The following SLMAP variants were observed in gnomAD, a reference collection of about 807,000 sequenced individuals.
SLMAP encodes sarcolemma associated protein.
SLMAP carries 44 observed loss-of-function variants against 128.8 expected under a neutral mutation model. That is an observed-to-expected ratio of 0.34 (90% CI 0.27 to 0.44). SLMAP has a LOEUF of 0.44. Among genes scored for constraint, SLMAP ranks in the 20% least tolerant of loss-of-function variants. The probability of loss-of-function intolerance (pLI) is 1.00; values close to 1 mark genes in which losing one functional copy is unlikely to be tolerated. For missense variants in SLMAP, 787 were observed against 985.3 expected, an observed-to-expected ratio of 0.80 and a Z score of 2.69; for synonymous variants, 327 against 348.8, an observed-to-expected ratio of 0.94 and a Z score of 0.70.
chr3:57,813,095 CTTT>C (rs200561601), intron 2 of SLMAP, among the ~76,000 whole-genome samples: 5 of 120,842 alleles, frequency 4.1e-5, no homozygotes, highest in Admixed American at 8.3e-5. Flanking sequence ...CGTTTGGATG[CTTT>C]TTTTTTTTTT....
intron 2 of SLMAP, among the ~76,000 whole-genome samples, chr3:57,802,295 A>G (rs1461048491): frequency 6.7e-6 from 1 of 149,708 alleles, no homozygotes; most frequent in Non-Finnish European, 1.5e-5. Flanking sequence ...TTTTTTTTTT[A>G]AGATGGAGTT....
chr3:57,770,678 T>C (rs904654502), intron 2 of SLMAP, among the ~76,000 whole-genome samples: 1 of 152,196 alleles, frequency 6.6e-6, no homozygotes, highest in African/African-American at 2.4e-5. Context: ...TTTCCTCATA[T>C]GTAAAAGGAG....
At chr3:57,853,955 T>TTATATATATATATA (rs1157170350) in intron 6 of SLMAP, among the ~76,000 whole-genome samples, 12 of 31,936 alleles carry the variant, frequency 3.8e-4, no homozygotes, top group East Asian at 1.0e-3. Flanking sequence ...AAAAAAAAAA[T>TTATATATATATATA]TATATATATA....
chr3:57,789,525 G>A (rs2084977211), intron 2 of SLMAP, among the ~76,000 whole-genome samples: 1 of 152,110 alleles, frequency 6.6e-6, no homozygotes. Flanking sequence ...ATCAGATGTC[G>A]AGGTTGAGGG....
intron 2 of SLMAP, among the ~76,000 whole-genome samples, chr3:57,792,614 T>C (rs897587993): frequency 1.3e-5 from 2 of 152,162 alleles, no homozygotes; most frequent in African/African-American, 4.8e-5. Flanking sequence ...TTCCTTTAAA[T>C]TGACCATGAT....
intron 22 of SLMAP, 47 bp downstream of exon 22, chr3:57,917,124 C>T (rs2096829232): frequency 6.2e-7 from 1 of 1,611,006 alleles, no homozygotes; most frequent in Non-Finnish European, 8.5e-7. Flanking sequence ...GGACTTAAAG[C>T]CAAAAGCAAA....
chr3:57,910,672 G>A (rs1006228939), intron 19 of SLMAP, among the ~76,000 whole-genome samples: 2 of 152,150 alleles, frequency 1.3e-5, no homozygotes, highest in Admixed American at 1.3e-4. Context: ...GGTATATTAT[G>A]AGGAAATTAT....
intron 2 of SLMAP, among the ~76,000 whole-genome samples, chr3:57,815,454 T>TCA: frequency 6.6e-6 from 1 of 152,270 alleles, no homozygotes; most frequent in Non-Finnish European, 1.5e-5. Flanking sequence ...CTTTGCCCCA[T>TCA]CACACATGAA....
At chr3:57,759,990 A>G (rs1048572556) in intron 2 of SLMAP, among the ~76,000 whole-genome samples, 6 of 152,152 alleles carry the variant, frequency 3.9e-5, no homozygotes, top group African/African-American at 1.4e-4. Context: ...GCCAGGCTAG[A>G]GTGCAGTGGC....
intron 15 of SLMAP, among the ~76,000 whole-genome samples, chr3:57,892,831 CTTT>C (rs34608762): frequency 4.0e-4 from 34 of 85,600 alleles, no homozygotes; most frequent in Middle Eastern, 6.6e-3. Context: ...AACTTGCTTT[CTTT>C]TTTTTTTTTT....
At chr3:57,840,055 A>T (rs1313345011) in intron 3 of SLMAP, among the ~76,000 whole-genome samples, 1 of 152,138 alleles carries the variant, frequency 6.6e-6, no homozygotes, top group African/African-American at 2.4e-5. Flanking sequence ...TCCTGACCTC[A>T]GGTGATCCAC....
intron 15 of SLMAP, among the ~76,000 whole-genome samples, chr3:57,892,335 A>G (rs1394678525): frequency 2.0e-5 from 3 of 152,196 alleles, no homozygotes; most frequent in African/African-American, 4.8e-5. Flanking sequence ...TCTTACCTCT[A>G]GAAGATGTAT....
At chr3:57,836,188 C>T (rs2093632474) in intron 3 of SLMAP, among the ~76,000 whole-genome samples, 1 of 151,936 alleles carries the variant, frequency 6.6e-6, no homozygotes, top group South Asian at 2.1e-4. Flanking sequence ...ATCTCTAGAT[C>T]TTTAATGTGA....
At chr3:57,842,024 T>G (rs1310644125) in intron 4 of SLMAP, among the ~76,000 whole-genome samples, 1 of 152,214 alleles carries the variant, frequency 6.6e-6, no homozygotes, top group Admixed American at 6.5e-5. Context: ...TAACATTTTT[T>G]ATTTGTGGGA....
intron 13 of SLMAP, among the ~76,000 whole-genome samples, chr3:57,867,299 T>G (rs1173098557): frequency 6.6e-6 from 1 of 152,234 alleles, no homozygotes; most frequent in Non-Finnish European, 1.5e-5. Context: ...AGAGAATCGT[T>G]TTATGTACAT....
At chr3:57,852,528 T>G (rs1048163294) in intron 6 of SLMAP, among the ~76,000 whole-genome samples, 2 of 152,174 alleles carry the variant, frequency 1.3e-5, no homozygotes, top group Non-Finnish European at 2.9e-5. Flanking sequence ...CACAGAATTG[T>G]GAAGAATAAA....
At position 57,861,929 on chromosome 3, in the gene SLMAP, CCTGTAAA is replaced by C; in HGVS notation, c.829-17_829-11del. On this transcript the variant is annotated splice_polypyrimidine_tract_variant and intron_variant, in intron 9 of 24. Transcript: ENST00000671191. Reference sequence around the variant, plus strand: ...ATATACACTTATTCTAATTAAATTGCCTGTAAACTTGAATCGCAGCGAAGTCTGAGTA... The same window carrying C: ...ATATACACTTATTCTAATTAAATTGCCTTGAATCGCAGCGAAGTCTGAGTA... 2 of 1,598,692 alleles carry C rather than the reference CCTGTAAA, an allele frequency of 1.3e-6. No homozygotes were observed. The highest frequency in any genetic ancestry group is 3.4e-4 in the Middle Eastern group (2 of 5,948).
chr3:57,904,074 A>G (rs2096465542), intron 17 of SLMAP, among the ~76,000 whole-genome samples: 1 of 152,226 alleles, frequency 6.6e-6, no homozygotes, highest in Admixed American at 6.5e-5. Context: ...AAAAAATGGC[A>G]CTTGGTTTTC....
rs928087591 is a variant in SLMAP, at chr3:57,924,377, T to C, written c.2445+1354T>C. The stretch of plus-strand genomic sequence containing the variant: ...CTGCCTTTTTTTTTTCTTTTTTCTC[T>C]TTTTTTTTGAGACGGAGTTTTGCTC... On this transcript the variant is annotated intron_variant, in intron 23 of 24. Coordinates refer to ENST00000671191, the MANE Select transcript of SLMAP (RefSeq NM_001377540.1). Among the ~76,000 whole-genome samples, 8 of 151,174 alleles carry C rather than the reference T, an allele frequency of 5.3e-5. No individual in the cohort carries two copies. The South Asian group carries it at 1.3e-3, about 24-fold the overall frequency.
Sources: gnomAD v4.1 joint callset for allele counts (sites outside exome capture counted in the v4.1 genomes callset) on GRCh38, gnomAD v4.1.1 for gene constraint, MANE v1.5 for transcripts, NCBI Gene and HGNC (gene_info 2026-07-23, HGNC 2026-07-21) for gene names.